Variants in DNAH11 observed in about 807,000 individuals in gnomAD.
DNAH11 encodes the protein axonemal beta dynein heavy chain 11.
Under a neutral mutation model 526.0 loss-of-function variants are expected in DNAH11, and 442 were observed. The observed-to-expected ratio is 0.84, with a 90% CI of 0.78 to 0.91. DNAH11 has a LOEUF of 0.91. Ranked by LOEUF, DNAH11 falls within the 40% of genes least tolerant of loss-of-function variation. The probability of loss-of-function intolerance (pLI) is 0.00; values close to 1 mark genes in which losing one functional copy is unlikely to be tolerated. For synonymous variants in DNAH11, 2,461 were observed against 1,935.9 expected, an observed-to-expected ratio of 1.27 and a Z score of -7.12; for missense variants, 6,989 against 5,448.7, an observed-to-expected ratio of 1.28 and a Z score of -8.90.
intron 57 of DNAH11, among the ~76,000 whole-genome samples, chr7:21,783,851 A>G (rs1788061749): frequency 6.6e-6 from 1 of 152,116 alleles, no homozygotes; most frequent in Non-Finnish European, 1.5e-5. Context: ...GTTTCTTATC[A>G]TGTCCGTGGA....
At chr7:21,852,338 C>G in intron 66 of DNAH11, 129 bp from the exon 67 acceptor site, 3 of 862,540 alleles carry the variant, frequency 3.5e-6, no homozygotes, top group Non-Finnish European at 5.0e-6. Context: ...ACCCAGGAGG[C>G]ACACGTCGCA....
rs530870060 is a variant in DNAH11, at chr7:21,711,825, T to C, written c.6948T>C (p.Ile2316=). The C allele has an allele frequency of 1.9e-6, 3 of 1,613,758 alleles. No individual in the cohort carries two copies. The highest frequency in any genetic ancestry group is 2.2e-5 in the East Asian group (1 of 44,876). The change falls in exon 42 of 82, where the codon ATT becomes ATC. Residue 2316 remains isoleucine (I), a synonymous_variant. Transcript: ENST00000409508. ...CGGCCACTGTTTCCAGAGCTGGTAT[T>C]CTGTATGTGAACCCACAAGATCTGG... ...ATPATVSRAG[I]LYVNPQDLGW... is the part of the protein sequence containing the mutation.
At chr7:21,804,741 G>T (rs1449097338) in intron 62 of DNAH11, among the ~76,000 whole-genome samples, 1 of 151,952 alleles carries the variant, frequency 6.6e-6, no homozygotes, top group Non-Finnish European at 1.5e-5. Flanking sequence ...CTCCCCTAGG[G>T]TACCTCTGCA....
intron 18 of DNAH11, 144 bp downstream of exon 18, chr7:21,601,762 T>C: frequency 3.5e-6 from 2 of 574,028 alleles, no homozygotes. Context: ...GTTAGGAATC[T>C]GATACTTAAG....
chr7:21,828,252 C>T (rs934115001), intron 65 of DNAH11, among the ~76,000 whole-genome samples: 1 of 152,038 alleles, frequency 6.6e-6, no homozygotes, highest in Admixed American at 6.6e-5. Flanking sequence ...CCTGGCCTAG[C>T]TTATGGATTT....
At chr7:21,710,303 T>C (rs1301816685) in intron 40 of DNAH11, among the ~76,000 whole-genome samples, 1 of 152,162 alleles carries the variant, frequency 6.6e-6, no homozygotes, top group Admixed American at 6.5e-5. Context: ...GGAAGGTTTT[T>C]GTTATCTCTG....
At chr7:21,665,123 C>G (rs969929161) in intron 30 of DNAH11, among the ~76,000 whole-genome samples, 2 of 152,006 alleles carry the variant, frequency 1.3e-5, no homozygotes, top group African/African-American at 4.8e-5. Context: ...CTTCCTCCCT[C>G]TCAGTGCCTT....
Position 21,747,395 on chromosome 7 carries a change from G to A in DNAH11, c.8511-1185G>A, listed in dbSNP as rs575797298. 4.6e-5 allele frequency among the ~76,000 whole-genome samples: 7 copies of A among 152,260 alleles called. No individual in the cohort carries two copies. In the South Asian group the frequency reaches 1.2e-3, roughly 27 times the overall value. On this transcript the variant is annotated intron_variant, in intron 51 of 81. Transcript: ENST00000409508. ...CTATTTAAAACAATTTATGCAGTTT[G>A]TTCAGGTTCTGAAGTTTAAGTTCAT... is the stretch of plus-strand genomic sequence containing the variant.
chr7:21,860,920 A>G (rs549980503), intron 68 of DNAH11, among the ~76,000 whole-genome samples: 15 of 152,244 alleles, frequency 9.9e-5, no homozygotes, highest in African/African-American at 3.4e-4. Context: ...CCCTCATAAA[A>G]CCATCAGATC....
At chr7:21,589,464 G>T in intron 12 of DNAH11, 61 bp downstream of exon 12, 1 of 1,334,242 alleles carries the variant, frequency 7.5e-7, no homozygotes, top group South Asian at 1.4e-5. Context: ...GCCTATTTCT[G>T]ATATTTCCAG....
rs56255077 is a variant in DNAH11, at chr7:21,825,959, C to CAAAAA, written c.10691+7633_10691+7637dup. ...GGGCGAAGGAGTGAGACTCTGTCTCCAAAAAAAAAAAAAAAAAGTGTTTTG... is the reference window on the plus strand; with the variant it reads ...GGGCGAAGGAGTGAGACTCTGTCTCCAAAAAAAAAAAAAAAAAAAAAAGTGTTTTG... On this transcript the variant is annotated intron_variant, in intron 65 of 81. Coordinates refer to ENST00000409508, the MANE Select transcript of DNAH11 (RefSeq NM_001277115.2). Among the ~76,000 whole-genome samples the CAAAAA allele has an allele frequency of 7.6e-4, 52 of 68,304 alleles. 1 individual carries two copies. The highest frequency in any genetic ancestry group is 2.7e-3 in the African/African-American group (52 of 19,118). The allele number at this position is 68,304 out of a possible 152,430, so 44.8% of individuals were successfully genotyped here.
chr7:21,667,621 G>C (rs1782469520), intron 30 of DNAH11, among the ~76,000 whole-genome samples: 1 of 152,078 alleles, frequency 6.6e-6, no homozygotes, highest in Non-Finnish European at 1.5e-5. Context: ...TATGCCATTG[G>C]ATTTCAATAT....
At chr7:21,686,210 C>T (rs141028168) in intron 32 of DNAH11, among the ~76,000 whole-genome samples, 2 of 152,106 alleles carry the variant, frequency 1.3e-5, no homozygotes, top group African/African-American at 4.8e-5. Context: ...TATATTCCTA[C>T]AATTAACCTC....
In DNAH11 at chr7:21,868,992, G is replaced by T. The variant is rs2128035772; in HGVS notation, c.11967+1G>T. ...AGGAGGACACTGGGTCATCCTCCAA[G>T]TGAGTATTAAGTTTCAGGGAAGACA... On this transcript the variant is annotated splice_donor_variant, in intron 73 of 81. Coordinates refer to ENST00000409508, the MANE Select transcript of DNAH11 (RefSeq NM_001277115.2). LOFTEE classifies it high-confidence loss of function. 1 of 1,613,882 alleles carries T rather than the reference G, an allele frequency of 6.2e-7. No homozygotes were observed. The highest frequency in any genetic ancestry group is 8.5e-7 in the Non-Finnish European group (1 of 1,179,830).
chr7:21,791,538 C>G (rs1431052531), intron 61 of DNAH11, among the ~76,000 whole-genome samples: 1 of 152,202 alleles, frequency 6.6e-6, no homozygotes, highest in Non-Finnish European at 1.5e-5. Flanking sequence ...CTCCTGCTCC[C>G]AAGACCCTCT....
At position 21,613,402 on chromosome 7, in the gene DNAH11, C is replaced by T. The variant is rs80015214; in HGVS notation, c.3853-1712C>T. Among the ~76,000 whole-genome samples the T allele has an allele frequency of 6.6e-3, 999 of 152,166 alleles. 7 individuals carry two copies. The highest frequency in any genetic ancestry group is 0.01 in the Non-Finnish European group (708 of 67,988). On this transcript the variant is annotated intron_variant, in intron 20 of 81. Coordinates refer to ENST00000409508, the MANE Select transcript of DNAH11 (RefSeq NM_001277115.2). ...GCATTAAAAATTATTAGTCATATTTCTTAGGCTAGGTGGGGAACAAACGCA... is the reference window on the plus strand; with the variant it reads ...GCATTAAAAATTATTAGTCATATTTTTTAGGCTAGGTGGGGAACAAACGCA...
At chr7:21,569,740 A>C (rs1026835226) in intron 6 of DNAH11, among the ~76,000 whole-genome samples, 1 of 152,224 alleles carries the variant, frequency 6.6e-6, no homozygotes, top group African/African-American at 2.4e-5. Context: ...TTAGATGAGA[A>C]AACGATTGTT....
At chr7:21,732,460 G>T (rs146813676) in intron 45 of DNAH11, among the ~76,000 whole-genome samples, 4 of 152,028 alleles carry the variant, frequency 2.6e-5, no homozygotes, top group Non-Finnish European at 5.9e-5. Context: ...ATGAATGTTG[G>T]GGGGACACAA....
At chr7:21,883,839 G>A (rs1231162516) in intron 75 of DNAH11, among the ~76,000 whole-genome samples, 2 of 152,226 alleles carry the variant, frequency 1.3e-5, no homozygotes, top group African/African-American at 2.4e-5. Context: ...CCAGGAATTC[G>A]AGACCAACCT....
Sources: gnomAD v4.1 joint callset for allele counts (sites outside exome capture counted in the v4.1 genomes callset) on GRCh38, gnomAD v4.1.1 for gene constraint, MANE v1.5 for transcripts, NCBI Gene and HGNC (gene_info 2026-07-23, HGNC 2026-07-21) for gene names.